The following DOCK3 variants were observed in gnomAD, a reference collection of about 807,000 sequenced individuals.
DOCK3 encodes the protein dedicator of cytokinesis protein 3.
In DOCK3, 60 loss-of-function variants were observed where a neutral mutation model predicts 265.6. That is an observed-to-expected ratio of 0.23 (90% confidence interval 0.18 to 0.28). The LOEUF (loss-of-function observed/expected upper bound fraction) is 0.28. DOCK3 is among the 10% of genes least tolerant of loss of function. DOCK3 has a pLI of 1.00. For synonymous variants in DOCK3, 881 were observed against 938.0 expected (o/e 0.94, Z 1.11); for missense variants, 1,981 against 2,594.3 (o/e 0.76, Z 5.14).
At chr3:50,798,991 A>C (rs2042933858) in intron 2 of DOCK3, among the ~76,000 whole-genome samples, 1 of 152,206 alleles carries the variant, frequency 6.6e-6, no homozygotes, top group Non-Finnish European at 1.5e-5. Flanking sequence ...CCTTTTGCCA[A>C]TGAATGTTCT....
chr3:51,167,776 A>AT (rs993571040), intron 12 of DOCK3, among the ~76,000 whole-genome samples: 5 of 152,038 alleles, frequency 3.3e-5, no homozygotes, highest in Non-Finnish European at 7.4e-5. Flanking sequence ...AATATTGCTG[A>AT]TTTTTTATGT....
chr3:51,303,053 C>T (rs1007363707), intron 27 of DOCK3, among the ~76,000 whole-genome samples: 5 of 152,104 alleles, frequency 3.3e-5, no homozygotes, highest in Non-Finnish European at 7.4e-5. Context: ...CATTCAGGTA[C>T]CCCCATCAGT....
chr3:51,212,338 C>T (rs1245062744), intron 13 of DOCK3, among the ~76,000 whole-genome samples: 1 of 152,010 alleles, frequency 6.6e-6, no homozygotes, highest in East Asian at 1.9e-4. Flanking sequence ...TGCTTCTGTA[C>T]ACCATTTTGG....
intron 1 of DOCK3, among the ~76,000 whole-genome samples, chr3:50,741,335 A>G (rs1354986177): frequency 1.3e-5 from 2 of 151,370 alleles, no homozygotes; most frequent in African/African-American, 4.9e-5. Flanking sequence ...CAGATTAGTT[A>G]CATATGTATA....
intron 2 of DOCK3, chr3:50,788,220 C>T: frequency 1.3e-6 from 1 of 754,854 alleles, no homozygotes; most frequent in Non-Finnish European, 2.0e-6. Flanking sequence ...CATCTTGTGC[C>T]ATTCCTGCTA....
Position 51,310,334 on chromosome 3 carries a change from T to A in DOCK3, c.3017+8T>A. 1 of 1,581,840 alleles carries A rather than the reference T, an allele frequency of 6.3e-7. No homozygotes were observed. The highest frequency in any genetic ancestry group is 8.6e-7 in the Non-Finnish European group (1 of 1,161,772). On this transcript the variant is annotated splice_region_variant and intron_variant, in intron 28 of 52. Transcript: ENST00000266037. ...GAGACTGCTCACAAGCAAGTAAGTA[T>A]GGAAGGGCTCTGTATCAGCATCACT...
chr3:51,235,315 C>T (rs913466203), intron 19 of DOCK3, among the ~76,000 whole-genome samples: 6 of 152,132 alleles, frequency 3.9e-5, no homozygotes, highest in African/African-American at 1.2e-4. Flanking sequence ...AACCAGTAAA[C>T]GAGGTATTAA....
intron 2 of DOCK3, among the ~76,000 whole-genome samples, chr3:50,824,272 C>T (rs1425477108): frequency 2.0e-5 from 3 of 152,122 alleles, no homozygotes; most frequent in African/African-American, 7.2e-5. Flanking sequence ...GTTCTCTGGT[C>T]ACCTGGAAAG....
intron 1 of DOCK3, among the ~76,000 whole-genome samples, chr3:50,690,743 A>G (rs2035175454): frequency 6.6e-6 from 1 of 151,616 alleles, no homozygotes; most frequent in African/African-American, 2.4e-5. Context: ...CCTGGGTTCA[A>G]GTGATTCTCC....
Position 51,103,382 on chromosome 3 carries a change from C to T in DOCK3, c.746+12998C>T, listed in dbSNP as rs79492725. 1.1e-3 allele frequency among the ~76,000 whole-genome samples: 168 copies of T among 152,304 alleles called. 1 individual carries two copies. In the East Asian group the frequency reaches 0.025, roughly 23 times the overall value. On this transcript the variant is annotated intron_variant, in intron 9 of 52. Coordinates refer to ENST00000266037, the MANE Select transcript of DOCK3 (RefSeq NM_004947.5). The stretch of plus-strand genomic sequence containing the variant: ...AGCATCTCAAAAAGTGAAAGCAAAG[C>T]TAGTTTATAAATGGCACAGGAAAAT...
chr3:50,820,290 A>G (rs773922113), intron 2 of DOCK3, among the ~76,000 whole-genome samples: 10 of 152,106 alleles, frequency 6.6e-5, no homozygotes, highest in South Asian at 2.1e-4. Flanking sequence ...CTAAACCCCA[A>G]TTTTGGGGTT....
intron 12 of DOCK3, among the ~76,000 whole-genome samples, chr3:51,201,068 T>A (rs1433905584): frequency 1.3e-5 from 2 of 151,220 alleles, no homozygotes; most frequent in Non-Finnish European, 3.0e-5. Flanking sequence ...CGCTGCAAAA[T>A]CATGCCAAAA....
intron 3 of DOCK3, chr3:50,877,600 A>G: frequency 1.9e-6 from 1 of 515,492 alleles, no homozygotes; most frequent in East Asian, 5.5e-5. Context: ...TCTGAACAAG[A>G]CAGTGGCTTT....
At chr3:51,277,581 G>T in intron 25 of DOCK3, 27 bp from the exon 26 acceptor site, 3 of 1,513,054 alleles carry the variant, frequency 2.0e-6, no homozygotes, top group South Asian at 1.3e-5. Context: ...TGCTGCTAAT[G>T]GTGTGCTCTC....
rs184342554 is a variant in DOCK3, at chr3:50,693,953, A to G, written c.37+18653A>G. On this transcript the variant is annotated intron_variant, in intron 1 of 52. Coordinates refer to ENST00000266037, the MANE Select transcript of DOCK3 (RefSeq NM_004947.5). Reference sequence around the variant, plus strand: ...TTATTAGCTCTAATAGGCCTTAAACAAATACTTTAAGGTTTGCTACATACA... The same window carrying G: ...TTATTAGCTCTAATAGGCCTTAAACGAATACTTTAAGGTTTGCTACATACA... Among the ~76,000 whole-genome samples, 351 of 152,188 alleles carry G rather than the reference A, an allele frequency of 2.3e-3. 2 individuals carry two copies. Among genetic ancestry groups the G allele is most frequent in the African/African-American group, 8.2e-3 (340 of 41,512 alleles).
chr3:50,766,003 A>G (rs1432938606), intron 1 of DOCK3, among the ~76,000 whole-genome samples: 7 of 152,050 alleles, frequency 4.6e-5, no homozygotes, highest in Non-Finnish European at 8.8e-5. Flanking sequence ...AAAACTCCAC[A>G]TGAGTGAAAT....
chr3:51,376,797 A>T (rs1378813413), intron 51 of DOCK3, among the ~76,000 whole-genome samples: 1 of 152,196 alleles, frequency 6.6e-6, no homozygotes, highest in African/African-American at 2.4e-5. Flanking sequence ...TTTGCTCATC[A>T]TGGAGGACAT....
chr3:51,009,688 T>G (rs996007191), intron 5 of DOCK3, among the ~76,000 whole-genome samples: 2 of 152,222 alleles, frequency 1.3e-5, no homozygotes, highest in African/African-American at 4.8e-5. Flanking sequence ...CTTTTTTCTC[T>G]AGTTCTTTTA....
intron 5 of DOCK3, among the ~76,000 whole-genome samples, chr3:50,988,232 A>G (rs1242936006): frequency 6.6e-6 from 1 of 151,888 alleles, no homozygotes; most frequent in Admixed American, 6.5e-5. Flanking sequence ...GACAGAAGGG[A>G]TCCCCCAGCA....
Sources: gnomAD v4.1 joint callset for allele counts (sites outside exome capture counted in the v4.1 genomes callset) on GRCh38, gnomAD v4.1.1 for gene constraint, MANE v1.5 for transcripts, NCBI Gene and HGNC (gene_info 2026-07-23, HGNC 2026-07-21) for gene names.